The following KLHL24 variants were observed in gnomAD, a reference collection of about 807,000 sequenced individuals.
KLHL24 encodes kelch-like protein 24.
In KLHL24, 29 loss-of-function variants were observed where a neutral mutation model predicts 53.4. That is an observed-to-expected ratio of 0.54 (90% CI 0.40 to 0.74). The LOEUF is 0.74. Among genes scored for constraint, KLHL24 ranks in the 30% least tolerant of loss-of-function variants. The pLI, the probability that KLHL24 is intolerant of heterozygous loss-of-function variation, is 0.00. For missense variants in KLHL24, 504 were observed against 744.0 expected (o/e 0.68, Z 3.75); for synonymous variants, 222 against 253.7 (o/e 0.88, Z 1.19).
chr3:183,655,644 G>T (rs1718744266), intron 3 of KLHL24, among the ~76,000 whole-genome samples: 1 of 151,966 alleles, frequency 6.6e-6, no homozygotes, highest in African/African-American at 2.4e-5. Context: ...AATTCTACTG[G>T]CCAGGTGCAG....
intron 7 of KLHL24, 85 bp from the exon 8 acceptor site, chr3:183,678,999 TGC>T: frequency 9.7e-7 from 1 of 1,035,818 alleles, no homozygotes; most frequent in Admixed American, 1.8e-5. Flanking sequence ...TTTTTGACTG[TGC>T]TAAAGCATTA....
At position 183,650,804 on chromosome 3, in the gene KLHL24, G is replaced by C; in HGVS notation, c.448G>C (p.Val150Leu). 1 of 1,613,968 alleles carries C rather than the reference G, an allele frequency of 6.2e-7. No homozygotes were observed. The highest frequency in any genetic ancestry group is 8.5e-7 in the Non-Finnish European group (1 of 1,179,936). Reference protein sequence around the residue: ...FETSSLFQISVLRDACAKFLE... With the variant: ...FETSSLFQISLLRDACAKFLE... Reference sequence around the variant, plus strand: ...GACATCAAGCCTCTTTCAGATTAGTGTTCTCCGTGATGCATGTGCCAAGTT... The same window carrying C: ...GACATCAAGCCTCTTTCAGATTAGTCTTCTCCGTGATGCATGTGCCAAGTT... Residue 150 changes from valine (V) to leucine (L), a missense_variant, in exon 3 of 8, where the codon GTT becomes CTT. By Grantham distance (32) the Val-to-Leu change is conservative. Coordinates refer to ENST00000242810, the MANE Select transcript of KLHL24 (RefSeq NM_017644.3). The surrounding 1 kb of genome is among the most constrained non-coding windows in gnomAD (Gnocchi z 4.5).
At chr3:183,651,924 C>A (rs1361548891) in intron 3 of KLHL24, among the ~76,000 whole-genome samples, 11 of 148,098 alleles carry the variant, frequency 7.4e-5, no homozygotes, top group Non-Finnish European at 1.5e-4. Flanking sequence ...CCAGCCTGGG[C>A]AACAGAGTGA....
intron 3 of KLHL24, among the ~76,000 whole-genome samples, chr3:183,658,809 A>ATTT (rs35150276): frequency 2.7e-4 from 38 of 140,122 alleles, no homozygotes; most frequent in Admixed American, 4.3e-4. Context: ...CCTTCCTCCC[A>ATTT]TTTTTTTTTT....
chr3:183,667,871 C>G (rs549478427), intron 5 of KLHL24, among the ~76,000 whole-genome samples: 2 of 151,858 alleles, frequency 1.3e-5, no homozygotes, highest in African/African-American at 4.8e-5. Context: ...CACACACCAT[C>G]ACACCTAATT....
rs780734128 is a variant in KLHL24, at chr3:183,650,794, T to G, written c.438T>G (p.Phe146Leu). Reference sequence around the variant, plus strand: ...ATCTCTTTGAGACATCAAGCCTCTTTCAGATTAGTGTTCTCCGTGATGCAT... The same window carrying G: ...ATCTCTTTGAGACATCAAGCCTCTTGCAGATTAGTGTTCTCCGTGATGCAT... ...VQYLFETSSL[F>L]QISVLRDACA... The change falls in exon 3 of 8, where the codon TTT (phenylalanine) becomes TTG (leucine). Residue 146 changes from phenylalanine (F) to leucine (L), a missense_variant. Physicochemically the swap from Phe to Leu is conservative, Grantham distance 22. Coordinates refer to ENST00000242810, the MANE Select transcript of KLHL24 (RefSeq NM_017644.3). The surrounding 1 kb of genome is among the most constrained non-coding windows in gnomAD (Gnocchi z 4.5). 28 of 1,614,072 alleles carry G rather than the reference T, an allele frequency of 1.7e-5. 1 individual carries two copies. In the South Asian group the frequency reaches 3.0e-4, roughly 17 times the overall value.
chr3:183,661,064 CAA>C lies in KLHL24; in HGVS notation c.921-2372_921-2371del, dbSNP rs755600519. ...TGGGCGACAGAGCGAGACTCCGTCT[CAA>C]AAAAAAAAAAAAAAAAAAAAATTCA... On this transcript the variant is annotated intron_variant, in intron 3 of 7. Transcript: ENST00000242810. Among the ~76,000 whole-genome samples the C allele has an allele frequency of 4.3e-4, 12 of 27,878 alleles. No homozygotes were observed. The South Asian group carries it at 6.8e-3, about 16-fold the overall frequency. 18.3% of individuals were successfully genotyped at this position (27,878 alleles called of 152,430 possible). A position where few individuals can be genotyped will look rare whatever the true frequency, so the allele number is the denominator to read the frequency against.
intron 3 of KLHL24, among the ~76,000 whole-genome samples, chr3:183,658,421 G>A (rs1719224962): frequency 6.6e-6 from 1 of 151,878 alleles, no homozygotes; most frequent in Admixed American, 6.6e-5. Flanking sequence ...AGAGCTATAT[G>A]GTATCCTATT....
rs182414519 is a variant in KLHL24, at chr3:183,648,660, T to C, written c.-61-1636T>C. On this transcript the variant is annotated intron_variant, in intron 2 of 7. Transcript: ENST00000242810. ...AATACACTTTGAATCATGTATCAGC[T>C]TCTGAAGATGTGGAAAGGGAGTAGA... Among the ~76,000 whole-genome samples the C allele has an allele frequency of 1.7e-3, 264 of 152,222 alleles. 1 individual carries two copies. The highest frequency in any genetic ancestry group is 2.5e-3 in the Non-Finnish European group (172 of 68,010).
At chr3:183,673,376 C>T (rs1418921258) in intron 7 of KLHL24, among the ~76,000 whole-genome samples, 1 of 143,430 alleles carries the variant, frequency 7.0e-6, no homozygotes, top group Admixed American at 6.9e-5. Context: ...GTATCTGTTA[C>T]ACTTGGGCTG....
rs981944721 is a variant in KLHL24 at position 183,650,254 on chromosome 3, A to C, written c.-61-42A>C. On this transcript the variant is annotated intron_variant, in intron 2 of 7. Transcript: ENST00000242810. The surrounding 1 kb of genome is among the most constrained non-coding windows in gnomAD (Gnocchi z 4.5). ...ATGAAATTATGTGATTTGAATACTG[A>C]ATTTTTTGCATATTGAAATGTTTTC... is the stretch of plus-strand genomic sequence containing the variant. 3.2e-5 allele frequency: 26 copies of C among 807,574 alleles called. No homozygotes were observed. In the South Asian group the frequency reaches 4.7e-4, roughly 15 times the overall value. 50.0% of individuals were successfully genotyped at this position (807,574 alleles called of 1,614,324 possible).
At chr3:183,659,312 G>A (rs939778690) in intron 3 of KLHL24, among the ~76,000 whole-genome samples, 14 of 152,114 alleles carry the variant, frequency 9.2e-5, no homozygotes, top group African/African-American at 3.1e-4. Context: ...CGAGATGGGT[G>A]GATCACTTGA....
At chr3:183,649,067 T>TA (rs1307736773) in intron 2 of KLHL24, among the ~76,000 whole-genome samples, 20 of 152,250 alleles carry the variant, frequency 1.3e-4, no homozygotes, top group African/African-American at 4.3e-4. Flanking sequence ...ATCCATCAGT[T>TA]ACTTACTGAA....
Position 183,682,871 on chromosome 3 carries a change from G to A in KLHL24, c.*3585G>A, listed in dbSNP as rs1046777434. ...TGAAAAGAGAGGAGTTGAATTGTGTGTGCCTTTTATGTCTTGAGATTTATA... is the reference window on the plus strand; with the variant it reads ...TGAAAAGAGAGGAGTTGAATTGTGTATGCCTTTTATGTCTTGAGATTTATA... On this transcript the variant is annotated 3_prime_UTR_variant, in exon 8 of 8. Coordinates refer to ENST00000242810, the MANE Select transcript of KLHL24 (RefSeq NM_017644.3). The A allele has an allele frequency of 4.0e-5, 6 of 151,106 alleles. No homozygotes were observed. Among genetic ancestry groups the A allele is most frequent in the African/African-American group, 1.5e-4 (6 of 40,838 alleles). The allele number at this position is 151,106 out of a possible 1,614,324, so 9.4% of individuals were successfully genotyped here. A position where few individuals can be genotyped will look rare whatever the true frequency, so the allele number is the denominator to read the frequency against.
chr3:183,650,504 G>A lies in KLHL24; in HGVS notation c.148G>A (p.Glu50Lys), dbSNP rs764607099. 9.3e-6 allele frequency: 15 copies of A among 1,614,066 alleles called. No individual in the cohort carries two copies. Among genetic ancestry groups the A allele is most frequent in the Admixed American group, 1.7e-5 (1 of 60,014 alleles). The change falls in exon 3 of 8, where the codon GAA (glutamate) becomes AAA (lysine). Residue 50 changes from glutamate (E) to lysine (K), a missense_variant. Physicochemically the swap from Glu to Lys is moderately conservative, Grantham distance 56. Coordinates refer to ENST00000242810, the MANE Select transcript of KLHL24 (RefSeq NM_017644.3). The surrounding 1 kb of genome is among the most constrained non-coding windows in gnomAD (Gnocchi z 4.5). ...FDFSSGSSHA[E>K]NILQIFNEFR... ...CTTCTCTTCAGGATCATCCCATGCC[G>A]AAAACATACTCCAGATATTTAATGA...
rs763658165 is a variant in KLHL24, at chr3:183,651,174, A to G, written c.818A>G (p.Gln273Arg). 1.2e-6 allele frequency: 2 copies of G among 1,614,178 alleles called. No individual in the cohort carries two copies. The highest frequency in any genetic ancestry group is 1.6e-4 in the Middle Eastern group (1 of 6,062). The change falls in exon 3 of 8, where the codon CAA (glutamine) becomes CGA (arginine). Residue 273 changes from glutamine to arginine, a missense_variant. Coordinates refer to ENST00000242810, the MANE Select transcript of KLHL24 (RefSeq NM_017644.3). The part of the protein sequence containing the change: ...NYFVQTVEVD[Q>R]LIQNSPECYQ... Reference sequence around the variant, plus strand: ...TTTGTTCAAACAGTTGAAGTGGACCAATTGATCCAGAATTCTCCTGAGTGT... The same window carrying G: ...TTTGTTCAAACAGTTGAAGTGGACCGATTGATCCAGAATTCTCCTGAGTGT...
intron 3 of KLHL24, among the ~76,000 whole-genome samples, chr3:183,656,495 G>A (rs1022669361): frequency 6.6e-6 from 1 of 152,154 alleles, no homozygotes; most frequent in Non-Finnish European, 1.5e-5. Flanking sequence ...GCATGTTTGG[G>A]CTCAGAAATA....
Position 183,663,725 on chromosome 3 carries a change from T to A in KLHL24, c.1105+83T>A, listed in dbSNP as rs1374682858. 3 of 707,686 alleles carry A rather than the reference T, an allele frequency of 4.2e-6. No individual in the cohort carries two copies. The highest frequency in any genetic ancestry group is 6.5e-6 in the Non-Finnish European group (3 of 461,888). The allele number at this position is 707,686 out of a possible 1,614,324, so 43.8% of individuals were successfully genotyped here. ...AAACATCAACAGTGTCTTAAAATAG[T>A]GAAATGTGAATACTCCCACTTGAGG... On this transcript the variant is annotated intron_variant, in intron 4 of 7. Coordinates refer to ENST00000242810, the MANE Select transcript of KLHL24 (RefSeq NM_017644.3). The surrounding 1 kb of genome is among the most constrained non-coding windows in gnomAD (Gnocchi z 4.9).
chr3:183,655,735 C>T (rs945470100), intron 3 of KLHL24, among the ~76,000 whole-genome samples: 1 of 151,932 alleles, frequency 6.6e-6, no homozygotes, highest in Non-Finnish European at 1.5e-5. Flanking sequence ...CCATCCTGGC[C>T]AACATGGTGA....
Sources: allele counts gnomAD v4.1 joint callset (sites outside exome capture counted in the v4.1 genomes callset), GRCh38; gene constraint gnomAD v4.1.1; non-coding constraint Gnocchi (gnomAD v3.1); transcripts MANE v1.5; gene names NCBI Gene and HGNC (gene_info 2026-07-23, HGNC 2026-07-21).